TEX9: variants seen among roughly 807,000 people sequenced by gnomAD.
TEX9 encodes the protein testis-expressed protein 9.
In TEX9, 74 loss-of-function variants were observed where a neutral mutation model predicts 59.6. The ratio of observed to expected loss-of-function variants is 1.24; its 90% CI spans 1.03 to 1.51. TEX9 has a LOEUF of 1.51. Ranked by LOEUF, TEX9 falls within the 40% of genes most tolerant of loss-of-function variation. The pLI is 0.00. For synonymous variants in TEX9, 186 were observed against 152.2 expected, an observed-to-expected ratio of 1.22 and a Z score of -1.64; for missense variants, 522 against 447.8, an observed-to-expected ratio of 1.17 and a Z score of -1.49.
At chr15:56,434,697 G>A (rs1317273959) in intron 12 of TEX9, among the ~76,000 whole-genome samples, 2 of 151,834 alleles carry the variant, frequency 1.3e-5, no homozygotes, top group African/African-American at 2.4e-5. Context: ...AGCCTTTTTT[G>A]CACACCTGAG....
intron 11 of TEX9, 24 bp downstream of exon 11, chr15:56,427,763 T>G (rs772456568): frequency 7.0e-7 from 1 of 1,422,586 alleles, no homozygotes; most frequent in Non-Finnish European, 9.3e-7. Flanking sequence ...TAAAGTTAAA[T>G]CATCATATTA....
intron 1 of TEX9, among the ~76,000 whole-genome samples, chr15:56,353,930 T>C (rs2046633694): frequency 6.6e-6 from 1 of 152,234 alleles, no homozygotes; most frequent in Non-Finnish European, 1.5e-5. Context: ...GAGGCCTTTT[T>C]CCAGTCTGCC....
intron 1 of TEX9, among the ~76,000 whole-genome samples, chr15:56,283,049 G>GGTGTGT (rs3985761): frequency 0.12 from 18,408 of 148,412 alleles, 1,130 homozygotes; most frequent in East Asian, 0.19. Flanking sequence ...TACATTGTGT[G>GGTGTGT]GTGTGTGTGT....
chr15:56,289,406 G>C (rs2045031704), intron 1 of TEX9, among the ~76,000 whole-genome samples: 1 of 152,168 alleles, frequency 6.6e-6, no homozygotes, highest in Non-Finnish European at 1.5e-5. Flanking sequence ...CAAGAAGGGG[G>C]AATATAAAGG....
downstream of TEX9, chr15:56,446,759 A>C: frequency 2.9e-6 from 3 of 1,024,328 alleles, no homozygotes; most frequent in Non-Finnish European, 4.4e-6. Flanking sequence ...TTCTTTATAC[A>C]ATATGACAAT....
At chr15:56,389,156 G>T (rs975669676) in intron 5 of TEX9, among the ~76,000 whole-genome samples, 162 bp from the exon 6 acceptor site, 1 of 151,940 alleles carries the variant, frequency 6.6e-6, no homozygotes, top group African/African-American at 2.4e-5. Flanking sequence ...GTCTTTTCCA[G>T]CTATACAGTT....
intron 7 of TEX9, among the ~76,000 whole-genome samples, chr15:56,393,263 A>C (rs2048302029): frequency 6.6e-6 from 1 of 152,148 alleles, no homozygotes; most frequent in African/African-American, 2.4e-5. Flanking sequence ...CTGGAGTTAC[A>C]TGAGAGGCTG....
the TEX9 span, among the ~76,000 whole-genome samples, chr15:56,454,716 C>T: frequency 6.6e-6 from 1 of 152,102 alleles, no homozygotes; most frequent in Non-Finnish European, 1.5e-5. Context: ...CCTCTTTCAC[C>T]TCTCTACCAG....
chr15:56,380,927 T>A (rs2047695973), intron 3 of TEX9, among the ~76,000 whole-genome samples: 1 of 152,224 alleles, frequency 6.6e-6, no homozygotes. Context: ...TGCTTGGTGT[T>A]CTATAGTCTT....
intron 1 of TEX9, among the ~76,000 whole-genome samples, chr15:56,273,660 A>T (rs1050795234): frequency 1.3e-5 from 2 of 152,256 alleles, no homozygotes; most frequent in East Asian, 3.9e-4. Context: ...TTTTTGTCTG[A>T]AAGTCTTTAT....
At chr15:56,285,973 T>G (rs2044943906) in intron 1 of TEX9, among the ~76,000 whole-genome samples, 1 of 152,186 alleles carries the variant, frequency 6.6e-6, no homozygotes, top group African/African-American at 2.4e-5. Flanking sequence ...GGAGTACAGT[T>G]TAAAGTGCAA....
At chr15:56,313,407 CAT>C (rs1324612745) in intron 1 of TEX9, among the ~76,000 whole-genome samples, 7 of 141,574 alleles carry the variant, frequency 4.9e-5, no homozygotes, top group African/African-American at 1.5e-4. Context: ...TTGAGATAAT[CAT>C]GTGGTTTTTG....
At chr15:56,338,791 G>A (rs545318137) in intron 1 of TEX9, among the ~76,000 whole-genome samples, 16 of 152,076 alleles carry the variant, frequency 1.1e-4, no homozygotes, top group African/African-American at 2.7e-4. Flanking sequence ...GGTGGCGAGT[G>A]CCTTTAATCC....
At chr15:56,418,302 G>T (rs78361209) in intron 10 of TEX9, among the ~76,000 whole-genome samples, 6,812 of 151,870 alleles carry the variant, frequency 0.045, 239 homozygotes, top group Non-Finnish European at 0.07. Context: ...ATGTGTTTTT[G>T]TCTTAGCTGG....
chr15:56,409,511 T>G (rs1211209423), intron 9 of TEX9, among the ~76,000 whole-genome samples: 1 of 152,158 alleles, frequency 6.6e-6, no homozygotes, highest in Non-Finnish European at 1.5e-5. Context: ...GATTATTTTA[T>G]TTTTTTAGAG....
chr15:56,259,948 T>G (rs1323789505), intron 1 of TEX9, among the ~76,000 whole-genome samples: 3 of 152,112 alleles, frequency 2.0e-5, no homozygotes, highest in Admixed American at 1.3e-4. Context: ...CGTTTTCACT[T>G]TAGTGATCTT....
rs1596054106 is a variant in TEX9, at chr15:56,268,254, A to G, written c.-107+23976A>G. Among the ~76,000 whole-genome samples, 3 of 152,208 alleles carry G rather than the reference A, an allele frequency of 2.0e-5. No homozygotes were observed. In the South Asian group the frequency reaches 6.2e-4, roughly 32 times the overall value. On this transcript the variant is annotated intron_variant, in intron 1 of 5. Transcript: ENST00000560827. ...GATGATGGGATTTTCTAAATATACA[A>G]TCATGTCATCTGCAAACAGGGACAA... is the stretch of plus-strand genomic sequence containing the variant.
At chr15:56,406,497 A>C (rs1309284831) in intron 9 of TEX9, among the ~76,000 whole-genome samples, 1 of 152,196 alleles carries the variant, frequency 6.6e-6, no homozygotes, top group Non-Finnish European at 1.5e-5. Context: ...TGGAAAGTGT[A>C]TGCTTAACTT....
At chr15:56,265,660 G>A (rs1390898488) in intron 1 of TEX9, among the ~76,000 whole-genome samples, 8 of 151,932 alleles carry the variant, frequency 5.3e-5, no homozygotes, top group African/African-American at 1.9e-4. Flanking sequence ...TTCCAAATAG[G>A]ATTTTTTTCA....
Sources: allele counts gnomAD v4.1 joint callset (sites outside exome capture counted in the v4.1 genomes callset), GRCh38; gene constraint gnomAD v4.1.1; transcripts MANE v1.5; gene names NCBI Gene and HGNC (gene_info 2026-07-23, HGNC 2026-07-21).